The following CCDC152 variants were observed in gnomAD, a reference collection of about 807,000 sequenced individuals.
CCDC152 encodes coiled-coil domain-containing protein 152.
In CCDC152, 37 loss-of-function variants were observed where a neutral mutation model predicts 38.1. The ratio of observed to expected loss-of-function variants is 0.97; its 90% CI spans 0.75 to 1.28. The LOEUF is 1.28. CCDC152 is among the 50% of genes most tolerant of loss of function. The pLI, the probability that CCDC152 is intolerant of heterozygous loss-of-function variation, is 0.00. For missense variants in CCDC152, 259 were observed against 292.1 expected (o/e 0.89, Z 0.83); for synonymous variants, 83 against 87.1 (o/e 0.95, Z 0.26).
chr5:42,757,880 C>CA (rs908160205), intron 1 of CCDC152, among the ~76,000 whole-genome samples: 34 of 148,204 alleles, frequency 2.3e-4, no homozygotes, highest in South Asian at 4.3e-4. Flanking sequence ...GGTTAGGTAC[C>CA]AAAAAAAAAA....
rs1297829417 is a variant in CCDC152, at chr5:42,800,401, T to C, written c.*620T>C. ...TTGTTCTTCCTCCATTCTAAACTGCTAATTATCCAACAGAAACCCCTAGGT... is the reference window on the plus strand; with the variant it reads ...TTGTTCTTCCTCCATTCTAAACTGCCAATTATCCAACAGAAACCCCTAGGT... On this transcript the variant is annotated 3_prime_UTR_variant, in exon 9 of 9. Transcript: ENST00000361970. 5.0e-6 allele frequency: 1 copy of C among 201,414 alleles called. No homozygotes were observed. Among genetic ancestry groups the C allele is most frequent in the Admixed American group, 5.7e-5 (1 of 17,682 alleles). 12.5% of individuals were successfully genotyped at this position (201,414 alleles called of 1,614,324 possible). A position where few individuals can be genotyped will look rare whatever the true frequency, so the allele number is the denominator to read the frequency against.
At chr5:42,761,789 T>C (rs555581666) in intron 2 of CCDC152, among the ~76,000 whole-genome samples, 2 of 152,218 alleles carry the variant, frequency 1.3e-5, no homozygotes, top group Non-Finnish European at 2.9e-5. Flanking sequence ...TTGTTAACCA[T>C]GGGACTGAGA....
At chr5:42,772,605 C>T (rs375407735) in intron 4 of CCDC152, among the ~76,000 whole-genome samples, 2 of 147,794 alleles carry the variant, frequency 1.4e-5, no homozygotes, top group African/African-American at 5.0e-5. Flanking sequence ...GAGCCGAGAT[C>T]GCACCGCTGC....
rs546023870 is a variant in CCDC152 at position 42,770,623 on chromosome 5, C to A, written c.262+958C>A. 5.3e-5 allele frequency among the ~76,000 whole-genome samples: 8 copies of A among 152,064 alleles called. No individual in the cohort carries two copies. In the South Asian group the frequency reaches 1.7e-3, roughly 32 times the overall value. On this transcript the variant is annotated intron_variant, in intron 4 of 8. Transcript: ENST00000361970. ...CAAGATTGCTTGGGCTATTTGAGGT[C>A]TTTTGTGTTTCCATATGGATTTTAA...
At position 42,759,113 on chromosome 5, in the gene CCDC152, C is replaced by T; in HGVS notation, c.-2-7C>T. ...ATTTAACACTATCTACTGTTTACTA[C>T]TTTCAGGCATGGACCAAAGCAGTGA... is the stretch of plus-strand genomic sequence containing the variant. On this transcript the variant is annotated splice_polypyrimidine_tract_variant and splice_region_variant and intron_variant, in intron 1 of 8. Transcript: ENST00000361970. 1 of 1,540,064 alleles carries T rather than the reference C, an allele frequency of 6.5e-7. No homozygotes were observed. The highest frequency in any genetic ancestry group is 8.8e-7 in the Non-Finnish European group (1 of 1,137,870).
chr5:42,790,237 C>T (rs1241675530), intron 6 of CCDC152, among the ~76,000 whole-genome samples: 1 of 152,134 alleles, frequency 6.6e-6, no homozygotes, highest in Non-Finnish European at 1.5e-5. Flanking sequence ...TTTGGGAGGC[C>T]AAGGCGGGCG....
intron 4 of CCDC152, among the ~76,000 whole-genome samples, chr5:42,773,338 TCTTTA>T (rs1759726798): frequency 6.6e-6 from 1 of 152,200 alleles, no homozygotes; most frequent in Admixed American, 6.5e-5. Context: ...TTCTTATTTA[TCTTTA>T]TTTTCATCTG....
chr5:42,789,502 G>C (rs993327441), intron 6 of CCDC152, among the ~76,000 whole-genome samples: 1 of 152,072 alleles, frequency 6.6e-6, no homozygotes, highest in South Asian at 2.1e-4. Context: ...CTAGCCCCTT[G>C]ATGCATTTTA....
intron 3 of CCDC152, 27 bp from the exon 4 acceptor site, chr5:42,769,569 TA>T: frequency 6.9e-7 from 1 of 1,446,488 alleles, no homozygotes; most frequent in Non-Finnish European, 9.1e-7. Flanking sequence ...CAAGGGATTT[TA>T]AAATAAATTT....
chr5:42,774,361 T>A (rs1759742906), intron 4 of CCDC152, among the ~76,000 whole-genome samples: 1 of 152,146 alleles, frequency 6.6e-6, no homozygotes, highest in Admixed American at 6.5e-5. Flanking sequence ...ATGAGAAAAA[T>A]TCCCTCATGT....
rs745704566 is a variant in CCDC152, at chr5:42,800,594, G to A, written c.*813G>A. 3.7e-5 allele frequency: 44 copies of A among 1,177,786 alleles called. No individual in the cohort carries two copies. The highest frequency in any genetic ancestry group is 5.0e-5 in the Non-Finnish European group (43 of 851,670). The allele number at this position is 1,177,786 out of a possible 1,614,324, so 73.0% of individuals were successfully genotyped here. The stretch of plus-strand genomic sequence containing the variant: ...AATTTAAAATCTGGAAGCCAATTCA[G>A]TAGATTTCTCCATGTTTGCACAAAT... On this transcript the variant is annotated 3_prime_UTR_variant, in exon 9 of 9. Transcript: ENST00000361970.
intron 4 of CCDC152, 86 bp downstream of exon 4, chr5:42,769,751 T>G: frequency 7.4e-7 from 1 of 1,348,604 alleles, no homozygotes; most frequent in Non-Finnish European, 9.7e-7. Context: ...TGGTTGATAA[T>G]AAATTTCAAT....
At chr5:42,770,498 C>CT (rs11290226) in intron 4 of CCDC152, among the ~76,000 whole-genome samples, 1,773 of 148,482 alleles carry the variant, frequency 0.012, 29 homozygotes, top group African/African-American at 0.04. Context: ...ATCTACATGT[C>CT]TTTTTTTTTT....
At chr5:42,777,482 AG>A (rs1263020391) in intron 4 of CCDC152, among the ~76,000 whole-genome samples, 4 of 151,410 alleles carry the variant, frequency 2.6e-5, no homozygotes, top group East Asian at 1.9e-4. Flanking sequence ...AAAAAAAAGA[AG>A]AAGAAGAAGA....
intron 6 of CCDC152, among the ~76,000 whole-genome samples, chr5:42,784,561 C>T (rs1308654817): frequency 2.6e-5 from 4 of 151,940 alleles, no homozygotes; most frequent in South Asian, 2.1e-4. Flanking sequence ...TGTAGGTTGT[C>T]TGTTTATGCT....
intron 3 of CCDC152, among the ~76,000 whole-genome samples, chr5:42,766,174 C>A (rs781174195): frequency 6.6e-6 from 1 of 152,162 alleles, no homozygotes; most frequent in Non-Finnish European, 1.5e-5. Context: ...TGCTCAACAT[C>A]ATTGATCATC....
chr5:42,759,220 T>A lies in CCDC152; in HGVS notation c.87+12T>A. 2.0e-6 allele frequency: 3 copies of A among 1,510,088 alleles called. No individual in the cohort carries two copies. The highest frequency in any genetic ancestry group is 2.7e-6 in the Non-Finnish European group (3 of 1,111,788). 93.5% of individuals were successfully genotyped at this position (1,510,088 alleles called of 1,614,324 possible). ...CACAGATAGAAAAGGTATGTAAAGATAGAAAACAATTCTACTATATAGGGA... is the reference window on the plus strand; with the variant it reads ...CACAGATAGAAAAGGTATGTAAAGAAAGAAAACAATTCTACTATATAGGGA... On this transcript the variant is annotated intron_variant, in intron 2 of 8. Transcript: ENST00000361970.
At chr5:42,785,610 C>G (rs893569746) in intron 6 of CCDC152, among the ~76,000 whole-genome samples, 3 of 151,988 alleles carry the variant, frequency 2.0e-5, no homozygotes, top group African/African-American at 7.2e-5. Flanking sequence ...ATTTGAATGG[C>G]TACTATTTAT....
chr5:42,789,810 A>G (rs2111585843), intron 6 of CCDC152, among the ~76,000 whole-genome samples: 1 of 152,272 alleles, frequency 6.6e-6, no homozygotes, highest in Non-Finnish European at 1.5e-5. Flanking sequence ...CTTTATGCAC[A>G]TCATATGCAG....
Sources: gnomAD v4.1 joint callset for allele counts (sites outside exome capture counted in the v4.1 genomes callset) on GRCh38, gnomAD v4.1.1 for gene constraint, MANE v1.5 for transcripts, NCBI Gene and HGNC (gene_info 2026-07-23, HGNC 2026-07-21) for gene names.